The following FCRL5 variants were observed in gnomAD, a reference collection of about 807,000 sequenced individuals.
FCRL5 encodes Fc receptor-like protein 5.
Under a neutral mutation model 92.1 loss-of-function variants are expected in FCRL5, and 79 were observed. The ratio of observed to expected loss-of-function variants is 0.86; its 90% CI spans 0.72 to 1.03. The LOEUF (loss-of-function observed/expected upper bound fraction) is 1.03, where lower values mean the gene tolerates loss of function less well. Among genes scored for constraint, FCRL5 ranks in the 50% least tolerant of loss-of-function variants. FCRL5 has a pLI of 0.00. For missense variants in FCRL5, 1,160 were observed against 1,181.1 expected (o/e 0.98, Z 0.26); for synonymous variants, 466 against 469.3 (o/e 0.99, Z 0.09).
chr1:157,518,906 T>C, intron 13 of FCRL5, 124 bp from the exon 14 acceptor site: 1 of 652,108 alleles, frequency 1.5e-6, no homozygotes, highest in South Asian at 2.2e-5. Flanking sequence ...AACAAGTACA[T>C]AACAAACTGA....
chr1:157,521,409 CAT>C, intron 10 of FCRL5, 117 bp from the exon 11 acceptor site: 1 of 1,254,158 alleles, frequency 8.0e-7, no homozygotes, highest in Non-Finnish European at 1.1e-6. Context: ...TAGATTAAAA[CAT>C]AGATGATAAA....
intron 5 of FCRL5, among the ~76,000 whole-genome samples, chr1:157,544,056 A>T (rs558359630): frequency 9.1e-4 from 139 of 152,334 alleles, no homozygotes; most frequent in African/African-American, 3.2e-3. Flanking sequence ...TGAAAGAAAA[A>T]AAATTAGACC....
At chr1:157,549,242 A>G (rs1651697950) in intron 2 of FCRL5, among the ~76,000 whole-genome samples, 1 of 135,378 alleles carries the variant, frequency 7.4e-6, no homozygotes, top group Non-Finnish European at 1.5e-5. Flanking sequence ...CAATGAGAAC[A>G]CTTGGACACA....
rs1651861093 is a variant in FCRL5, at chr1:157,552,369, C to T, written c.-7G>A. On this transcript the variant is annotated 5_prime_UTR_variant, in exon 1 of 17. Coordinates refer to ENST00000361835, the MANE Select transcript of FCRL5 (RefSeq NM_031281.3). ...ATATCACCCACAGCAGCATGAAGACCTGGACCACCAAGGGCTGAGATCAAA... is the reference window on the plus strand; with the variant it reads ...ATATCACCCACAGCAGCATGAAGACTTGGACCACCAAGGGCTGAGATCAAA... The T allele has an allele frequency of 6.2e-7, 1 of 1,613,948 alleles. No homozygotes were observed. Among genetic ancestry groups the T allele is most frequent in the African/African-American group, 1.3e-5 (1 of 74,912 alleles).
At chr1:157,520,908 T>C (rs1650153230) in intron 11 of FCRL5, 109 bp downstream of exon 11, 1 of 1,268,338 alleles carries the variant, frequency 7.9e-7, no homozygotes, top group Non-Finnish European at 1.1e-6. Context: ...GCCAGCTGTG[T>C]TACTTCGCCC....
At chr1:157,527,133 T>C (rs1305687142) in intron 9 of FCRL5, among the ~76,000 whole-genome samples, 1 of 152,200 alleles carries the variant, frequency 6.6e-6, no homozygotes, top group Admixed American at 6.5e-5. Context: ...AGAAGAATTA[T>C]GTCTTCTAAC....
chr1:157,540,991 A>G (rs1651233577), intron 6 of FCRL5, among the ~76,000 whole-genome samples: 1 of 152,232 alleles, frequency 6.6e-6, no homozygotes, highest in Admixed American at 6.5e-5. Flanking sequence ...GTAAGTGAAG[A>G]GGCAGCAGTC....
At chr1:157,541,637 C>A (rs1475014026) in intron 6 of FCRL5, among the ~76,000 whole-genome samples, 1 of 152,228 alleles carries the variant, frequency 6.6e-6, no homozygotes, top group Admixed American at 6.5e-5. Flanking sequence ...TTTTTTCTCA[C>A]TTCCCAACTC....
rs1413266635 is a variant in FCRL5, at chr1:157,549,434, A to AT, written c.52+125dup. 5.7e-6 allele frequency: 5 copies of AT among 877,734 alleles called. No homozygotes were observed. In the South Asian group the frequency reaches 7.0e-5, roughly 12 times the overall value. The allele number at this position is 877,734 out of a possible 1,614,324, so 54.4% of individuals were successfully genotyped here. ...CATGTACCCTAAAACTTAAAGTATA[A>AT]TAAAAAAAAGGAAAGAAAACAGGAG... On this transcript the variant is annotated intron_variant, in intron 2 of 16. Transcript: ENST00000361835.
At chr1:157,526,829 G>A (rs190332628) in intron 9 of FCRL5, among the ~76,000 whole-genome samples, 1 of 152,144 alleles carries the variant, frequency 6.6e-6, no homozygotes, top group Non-Finnish European at 1.5e-5. Flanking sequence ...CAAGCAGAAG[G>A]CCAGGGGGTG....
chr1:157,538,241 C>T (rs1651067893), intron 7 of FCRL5, among the ~76,000 whole-genome samples: 1 of 152,162 alleles, frequency 6.6e-6, no homozygotes, highest in African/African-American at 2.4e-5. Context: ...CACACACATC[C>T]ATGTGGGAGG....
chr1:157,543,006 C>A lies in FCRL5; in HGVS notation c.976G>T (p.Val326Phe). Reference protein sequence around the residue: ...RTLYRFYHEGVPLRHKSVRCE... With the variant: ...RTLYRFYHEGFPLRHKSVRCE... ...CGGACTGACTTGTGCCTCAGGGGGA[C>A]ACCCTCATGATAAAACCTGTACAAA... Residue 326 changes from valine to phenylalanine, a missense_variant, in exon 6 of 17, where the codon GTC (valine) becomes TTC (phenylalanine). By Grantham distance (50) the Val-to-Phe change is conservative (BLOSUM62 -1). Transcript: ENST00000361835. The A allele has an allele frequency of 7.4e-6, 12 of 1,614,188 alleles. No homozygotes were observed. The highest frequency in any genetic ancestry group is 1.0e-5 in the Non-Finnish European group (12 of 1,180,030).
intron 7 of FCRL5, among the ~76,000 whole-genome samples, chr1:157,537,174 CT>C (rs111883289): frequency 3.9e-5 from 6 of 152,310 alleles, no homozygotes; most frequent in African/African-American, 1.4e-4. Context: ...TGCCTGTGAG[CT>C]GGGTGGAACA....
At chr1:157,538,708 G>C (rs1651097239) in intron 7 of FCRL5, among the ~76,000 whole-genome samples, 2 of 152,178 alleles carry the variant, frequency 1.3e-5, no homozygotes, top group South Asian at 4.1e-4. Flanking sequence ...AACTGGACAG[G>C]GGACATTTCT....
chr1:157,549,677 C>T, intron 1 of FCRL5, 97 bp from the exon 2 acceptor site: 1 of 1,075,988 alleles, frequency 9.3e-7, no homozygotes, highest in Non-Finnish European at 1.3e-6. Flanking sequence ...ATTACTTGTC[C>T]CTTTAAAAAA....
At chr1:157,516,146 T>C (rs982353411) in intron 15 of FCRL5, 3 of 575,200 alleles carry the variant, frequency 5.2e-6, no homozygotes, top group Non-Finnish European at 9.3e-6. Flanking sequence ...CATTTGTCTT[T>C]TATCTTGTTA....
At chr1:157,530,653 C>G (rs994826638) in intron 8 of FCRL5, among the ~76,000 whole-genome samples, 3 of 152,244 alleles carry the variant, frequency 2.0e-5, no homozygotes, top group African/African-American at 7.2e-5. Context: ...AGCCACCATG[C>G]CCCACTTACC....
Position 157,534,614 on chromosome 1 carries a change from C to A in FCRL5, c.1681G>T (p.Val561Phe). ...RSEVVSLFVT[V>F]PVSRPILTLR... ...TGACTGGCAAGAACCCAGCACTTAC[C>A]AGTGACAAAAAGGCTCACCACTTCA... The change falls in exon 8 of 17, where the codon GTT becomes TTT. Residue 561 changes from valine to phenylalanine, a missense_variant and splice_region_variant. Coordinates refer to ENST00000361835, the MANE Select transcript of FCRL5 (RefSeq NM_031281.3). 6.2e-7 allele frequency: 1 copy of A among 1,614,112 alleles called. No homozygotes were observed. The highest frequency in any genetic ancestry group is 1.1e-5 in the South Asian group (1 of 91,070).
At position 157,539,332 on chromosome 1, in the gene FCRL5, A is replaced by T. The variant is rs958220038; in HGVS notation, c.1156T>A (p.Ser386Thr). 1.2e-5 allele frequency: 20 copies of T among 1,613,744 alleles called. No individual in the cohort carries two copies. Among genetic ancestry groups the T allele is most frequent in the Non-Finnish European group, 1.6e-5 (19 of 1,179,878 alleles). The change falls in exon 7 of 17, where the codon TCT becomes ACT. Residue 386 changes from serine to threonine, a missense_variant. Physicochemically the swap from Ser to Thr is moderately conservative, Grantham distance 58. Coordinates refer to ENST00000361835, the MANE Select transcript of FCRL5 (RefSeq NM_031281.3). The stretch of plus-strand genomic sequence containing the variant: ...CCCTCAAAAATCAGGTCCTCAGGAG[A>T]GCTGAGGTTGAGGACAGGATGAGAC... ...PVSHPVLNLS[S>T]PEDLIFEGAK... is the part of the protein sequence containing the mutation.
Sources: gnomAD v4.1 joint callset for allele counts (sites outside exome capture counted in the v4.1 genomes callset) on GRCh38, gnomAD v4.1.1 for gene constraint, MANE v1.5 for transcripts, NCBI Gene and HGNC (gene_info 2026-07-23, HGNC 2026-07-21) for gene names.